LRRK1: variants seen among roughly 807,000 people sequenced by gnomAD.
LRRK1 encodes leucine rich repeat kinase 1.
In LRRK1, 113 loss-of-function variants were observed where a neutral mutation model predicts 209.1. The ratio of observed to expected loss-of-function variants is 0.54; its 90% confidence interval spans 0.46 to 0.63. LRRK1 has a LOEUF of 0.63. LRRK1 is among the 30% of genes least tolerant of loss of function. The probability of loss-of-function intolerance (pLI) is 0.00; values close to 1 mark genes in which losing one functional copy is unlikely to be tolerated. For synonymous variants in LRRK1, 1,144 were observed against 1,099.7 expected (o/e 1.04, Z -0.80); for missense variants, 2,284 against 2,632.2 (o/e 0.87, Z 2.89).
chr15:100,925,971 A>G (rs999311375), intron 2 of LRRK1, among the ~76,000 whole-genome samples: 3 of 152,216 alleles, frequency 2.0e-5, no homozygotes, highest in Non-Finnish European at 4.4e-5. Flanking sequence ...TAACCGTGTT[A>G]ACTAACGATC....
At position 101,057,880 on chromosome 15, in the gene LRRK1, ACAGAATCC is replaced by A. The variant is rs539840600; in HGVS notation, c.4528-108_4528-101del. 426 of 1,210,894 alleles carry A rather than the reference ACAGAATCC, an allele frequency of 3.5e-4. 4 individuals carry two copies. In the South Asian group the frequency reaches 5.6e-3, roughly 16 times the overall value. 75.0% of individuals were successfully genotyped at this position (1,210,894 alleles called of 1,614,324 possible). On this transcript the variant is annotated intron_variant, in intron 28 of 33. Coordinates refer to ENST00000388948, the MANE Select transcript of LRRK1 (RefSeq NM_024652.6). ...TCTTGTTTGGATCTAGTCTGAATGAACAGAATCCCTCATTCCTCCCTGGTTGGGGCTGG... is the reference window on the plus strand; with the variant it reads ...TCTTGTTTGGATCTAGTCTGAATGAACTCATTCCTCCCTGGTTGGGGCTGG...
intron 20 of LRRK1, among the ~76,000 whole-genome samples, chr15:101,041,636 G>A (rs969727797): frequency 6.6e-6 from 1 of 152,034 alleles, no homozygotes; most frequent in East Asian, 1.9e-4. Flanking sequence ...ACCTTAGCAC[G>A]ATACCAGGAC....
At chr15:101,068,557 A>T in intron 33 of LRRK1, 114 bp from the exon 34 acceptor site, 1 of 1,102,930 alleles carries the variant, frequency 9.1e-7, no homozygotes, top group Non-Finnish European at 1.3e-6. Flanking sequence ...GCAAGCAGAC[A>T]CACTCCCCTG....
At chr15:101,030,374 C>T (rs763728777) in intron 20 of LRRK1, among the ~76,000 whole-genome samples, 7 of 152,182 alleles carry the variant, frequency 4.6e-5, no homozygotes, top group Non-Finnish European at 1.0e-4. Flanking sequence ...CTGCCTTGGT[C>T]CTCCATGCAG....
Position 101,021,886 on chromosome 15 carries a change from T to C in LRRK1, c.1781T>C (p.Leu594Pro). ...LRELPPELGQ[L>P]GNLWQLDTED... ...GAGCTCCCTCCTGAGCTGGGGCAGCTGGGCAACCTCTGGCAGCTGGACACT... is the reference window on the plus strand; with the variant it reads ...GAGCTCCCTCCTGAGCTGGGGCAGCCGGGCAACCTCTGGCAGCTGGACACT... Residue 594 changes from leucine to proline, a missense_variant, in exon 14 of 34, where the codon CTG (leucine) becomes CCG (proline). This residue lies in a region of LRRK1 where 494 missense variants were observed against 522.1 expected (regional missense o/e 0.95). Transcript: ENST00000388948. 6.2e-7 allele frequency: 1 copy of C among 1,614,072 alleles called. No homozygotes were observed. Among genetic ancestry groups the C allele is most frequent in the South Asian group, 1.1e-5 (1 of 91,072 alleles).
chr15:100,957,371 T>C (rs963218781), intron 2 of LRRK1, among the ~76,000 whole-genome samples: 22 of 152,244 alleles, frequency 1.4e-4, no homozygotes, highest in African/African-American at 5.3e-4. Flanking sequence ...GGATGATCTA[T>C]CTATTATTGA....
At chr15:101,009,865 C>A (rs1188866994) in intron 7 of LRRK1, among the ~76,000 whole-genome samples, 2 of 152,244 alleles carry the variant, frequency 1.3e-5, no homozygotes, top group African/African-American at 2.4e-5. Flanking sequence ...AGATTACAGG[C>A]ATGAGCCACC....
chr15:101,039,993 T>A (rs2034670181), intron 20 of LRRK1, among the ~76,000 whole-genome samples: 1 of 152,198 alleles, frequency 6.6e-6, no homozygotes, highest in Admixed American at 6.5e-5. Context: ...TGCATAAGAA[T>A]TTTTTAATCT....
At position 101,066,557 on chromosome 15, in the gene LRRK1, G is replaced by A. The variant is rs1006456806; in HGVS notation, c.5769-83G>A. The A allele has an allele frequency of 1.7e-5, 21 of 1,269,986 alleles. 2 individuals are homozygous for A. Among genetic ancestry groups the A allele is most frequent in the Admixed American group, 1.2e-4 (7 of 57,958 alleles). The allele number at this position is 1,269,986 out of a possible 1,614,324, so 78.7% of individuals were successfully genotyped here. On this transcript the variant is annotated intron_variant, in intron 32 of 33. Coordinates refer to ENST00000388948, the MANE Select transcript of LRRK1 (RefSeq NM_024652.6). ...ACTGCATGTCTGTTGCCTCCCTCCC[G>A]CACCTTTCTGCACACCGGCTTCACT... is the stretch of plus-strand genomic sequence containing the variant.
Position 101,022,406 on chromosome 15 carries a change from C to T in LRRK1, c.1876C>T (p.Leu626=). 2 of 1,614,246 alleles carry T rather than the reference C, an allele frequency of 1.2e-6. No homozygotes were observed. Among genetic ancestry groups the T allele is most frequent in the South Asian group, 1.1e-5 (1 of 91,080 alleles). ...AGGCCCCAAAGCAATGCTGTCTTAC[C>T]TGCGTGCTCAGCTGCGGAAAGCGGA... ...KEGPKAMLSY[L]RAQLRKAEKC... The change falls in exon 15 of 34, where the codon CTG becomes TTG. Residue 626 remains leucine (L), a synonymous_variant. Transcript: ENST00000388948. This position sits in a 1 kb window ranked among gnomAD's most constrained non-coding sequence, Gnocchi z 4.0.
At chr15:100,965,095 C>T (rs777583331) in intron 2 of LRRK1, among the ~76,000 whole-genome samples, 4 of 152,272 alleles carry the variant, frequency 2.6e-5, no homozygotes, top group East Asian at 3.9e-4. Flanking sequence ...GTCAGAGACA[C>T]GGTTGTCACA....
chr15:100,983,201 A>G (rs1459137074), intron 3 of LRRK1, among the ~76,000 whole-genome samples: 3 of 152,216 alleles, frequency 2.0e-5, no homozygotes, highest in Non-Finnish European at 4.4e-5. Context: ...AAAGGAGCAA[A>G]CAGAAACAAA....
intron 31 of LRRK1, 111 bp downstream of exon 31, chr15:101,062,801 T>G: frequency 2.5e-6 from 2 of 789,980 alleles, no homozygotes; most frequent in East Asian, 4.9e-5. Context: ...TAGGACCACC[T>G]GGCCTAGGAC....
intron 3 of LRRK1, among the ~76,000 whole-genome samples, chr15:100,979,241 T>C (rs1002180185): frequency 1.3e-5 from 2 of 152,186 alleles, no homozygotes; most frequent in East Asian, 1.9e-4. Flanking sequence ...ACTTCCTCAA[T>C]TGGGTAAAGA....
rs931027800 is a variant in LRRK1, at chr15:101,066,074, C to T, written c.5637C>T (p.Asp1879=). 3 of 1,614,074 alleles carry T rather than the reference C, an allele frequency of 1.9e-6. No individual in the cohort carries two copies. Among genetic ancestry groups the T allele is most frequent in the Admixed American group, 3.3e-5 (2 of 60,014 alleles). The change falls in exon 32 of 34, where the codon GAC becomes GAT. Residue 1879 remains aspartate (D), a synonymous_variant. Transcript: ENST00000388948. The part of the protein sequence containing the change: ...VPFSTDCEDS[D]MLHTPGAASD... ...TCTCCACCGACTGCGAGGACTCAGA[C>T]ATGCTACATACGCCCGGTGCTGCCT...
intron 20 of LRRK1, among the ~76,000 whole-genome samples, chr15:101,035,482 GCTA>G (rs2034461969): frequency 6.6e-6 from 1 of 151,912 alleles, no homozygotes; most frequent in Non-Finnish European, 1.5e-5. Context: ...CTTGCTTTTG[GCTA>G]CTATTTGCAT....
rs2031111828 is a variant in LRRK1, at chr15:100,973,800, G to A, written c.98-4G>A. 3.9e-6 allele frequency: 5 copies of A among 1,282,528 alleles called. No individual in the cohort carries two copies. In the South Asian group the frequency reaches 7.4e-5, roughly 19 times the overall value. 79.4% of individuals were successfully genotyped at this position (1,282,528 alleles called of 1,614,324 possible). A position where few individuals can be genotyped will look rare whatever the true frequency, so the allele number is the denominator to read the frequency against. ...GCCGTGTGTGTGTGCTTCCTCCCGC[G>A]CAGGTGCCGGGGACACGGGCGGCAA... is the stretch of plus-strand genomic sequence containing the variant. On this transcript the variant is annotated splice_region_variant and splice_polypyrimidine_tract_variant and intron_variant, in intron 2 of 33. Transcript: ENST00000388948.
chr15:101,060,817 C>T (rs1450285640), intron 29 of LRRK1, among the ~76,000 whole-genome samples: 2 of 152,196 alleles, frequency 1.3e-5, no homozygotes, highest in Non-Finnish European at 2.9e-5. Context: ...ATTCTCCCAA[C>T]TTGTCTTTAG....
At chr15:101,055,357 C>A in intron 27 of LRRK1, 134 bp downstream of exon 27, 1 of 848,990 alleles carries the variant, frequency 1.2e-6, no homozygotes, top group Non-Finnish European at 1.7e-6. Context: ...CTCTCCCTTG[C>A]TCAATGAGGG....
Sources: gnomAD v4.1 joint callset for allele counts (sites outside exome capture counted in the v4.1 genomes callset) on GRCh38, gnomAD v4.1.1 for gene constraint, gnomAD v4.1.1 regional missense constraint, Gnocchi (gnomAD v3.1) non-coding constraint, MANE v1.5 for transcripts, NCBI Gene and HGNC (gene_info 2026-07-23, HGNC 2026-07-21) for gene names.